The following TMEM132C variants were observed in gnomAD, a reference collection of about 807,000 sequenced individuals.
The protein encoded by TMEM132C is transmembrane protein 132C.
In TMEM132C, 29 loss-of-function variants were observed where a neutral mutation model predicts 61.4. The observed-to-expected ratio is 0.47, with a 90% CI of 0.35 to 0.64. The LOEUF is 0.64. Ranked by LOEUF, TMEM132C falls within the 30% of genes least tolerant of loss-of-function variation. The pLI is 0.00. For synonymous variants in TMEM132C, 656 were observed against 633.1 expected, an observed-to-expected ratio of 1.04 and a Z score of -0.54; for missense variants, 1,408 against 1,476.9, an observed-to-expected ratio of 0.95 and a Z score of 0.76.
At chr12:128,639,537 G>T (rs1411908039) in intron 4 of TMEM132C, among the ~76,000 whole-genome samples, 4 of 152,202 alleles carry the variant, frequency 2.6e-5, no homozygotes, top group Non-Finnish European at 5.9e-5. Flanking sequence ...TGGAGAAAGA[G>T]AATGGCATTT....
intron 3 of TMEM132C, among the ~76,000 whole-genome samples, chr12:128,581,540 G>A (rs1875334140): frequency 6.6e-6 from 1 of 152,108 alleles, no homozygotes; most frequent in Non-Finnish European, 1.5e-5. Flanking sequence ...ACAAATCCTG[G>A]GCTCCTTGAA....
At chr12:128,637,090 C>T (rs990481765) in intron 4 of TMEM132C, among the ~76,000 whole-genome samples, 1 of 152,202 alleles carries the variant, frequency 6.6e-6, no homozygotes, top group Non-Finnish European at 1.5e-5. Flanking sequence ...AACTCTTCTA[C>T]ATACTGATTT....
intron 2 of TMEM132C, among the ~76,000 whole-genome samples, chr12:128,479,155 G>C (rs529777621): frequency 6.6e-6 from 1 of 152,346 alleles, no homozygotes; most frequent in East Asian, 1.9e-4. Context: ...ATAAGTGGGA[G>C]CTAAATGATG....
chr12:128,381,546 G>A lies in TMEM132C; in HGVS notation c.86-33186G>A, dbSNP rs148684580. Among the ~76,000 whole-genome samples, 975 of 152,200 alleles carry A rather than the reference G, an allele frequency of 6.4e-3. 12 individuals are homozygous for A. Among genetic ancestry groups the A allele is most frequent in the African/African-American group, 0.021 (852 of 41,528 alleles). On this transcript the variant is annotated intron_variant, in intron 1 of 8. Coordinates refer to ENST00000435159, the MANE Select transcript of TMEM132C (RefSeq NM_001136103.3). ...GAAAGGGCTTAATAATAATATAACC[G>A]ACCAGCAAACCTATGGACGTGAGAG...
chr12:128,481,182 C>T (rs1871305332), intron 2 of TMEM132C, among the ~76,000 whole-genome samples: 1 of 152,184 alleles, frequency 6.6e-6, no homozygotes, highest in Admixed American at 6.5e-5. Context: ...TTTCCACCAG[C>T]CTAGTAAGGG....
chr12:128,482,063 G>C (rs1343423595), intron 2 of TMEM132C, among the ~76,000 whole-genome samples: 2 of 152,124 alleles, frequency 1.3e-5, no homozygotes, highest in South Asian at 2.1e-4. Context: ...TTTGAGATAC[G>C]TTCCATTAAT....
Position 128,705,495 on chromosome 12 carries a change from AGC to A in TMEM132C, c.2528_2529del (p.Ser843IlefsTer6). ...AGGCCAAGATGGGCACCTCTATGGC[AGC>A]TCTCCCGTGGAGCGTGAGGAAGGGG... ...RTGQDGHLYG[S>X]SPVEREEGAL... On this transcript the variant is annotated frameshift_variant, in exon 9 of 9. Coordinates refer to ENST00000435159, the MANE Select transcript of TMEM132C (RefSeq NM_001136103.3). LOFTEE classifies it low-confidence loss of function (END_TRUNC). The A allele has an allele frequency of 6.4e-7, 1 of 1,551,028 alleles. No individual in the cohort carries two copies. Among genetic ancestry groups the A allele is most frequent in the Non-Finnish European group, 8.7e-7 (1 of 1,146,948 alleles).
chr12:128,585,637 T>C (rs555093026), intron 3 of TMEM132C, among the ~76,000 whole-genome samples: 60 of 152,318 alleles, frequency 3.9e-4, no homozygotes, highest in African/African-American at 1.4e-3. Context: ...GTGTACCCAA[T>C]GATCTGGAAC....
intron 1 of TMEM132C, among the ~76,000 whole-genome samples, chr12:128,300,679 C>T (rs1469044662): frequency 6.6e-6 from 1 of 152,142 alleles, no homozygotes; most frequent in Non-Finnish European, 1.5e-5. Context: ...ATGTGCTTCC[C>T]TAGAAATATG....
At chr12:128,456,306 T>TTTA (rs1870338428) in intron 2 of TMEM132C, among the ~76,000 whole-genome samples, 1 of 151,492 alleles carries the variant, frequency 6.6e-6, no homozygotes, top group Admixed American at 6.6e-5. Flanking sequence ...TTTCCTTATT[T>TTTA]TTATTAACAT....
chr12:128,283,554 C>T (rs1395925267), intron 1 of TMEM132C, among the ~76,000 whole-genome samples: 2 of 152,094 alleles, frequency 1.3e-5, no homozygotes, highest in Admixed American at 6.5e-5. Context: ...CTCCCTCTGT[C>T]TGTCTCTCTC....
intron 1 of TMEM132C, among the ~76,000 whole-genome samples, chr12:128,270,982 C>T (rs544797621): frequency 2.6e-5 from 4 of 152,036 alleles, no homozygotes; most frequent in African/African-American, 4.8e-5. Flanking sequence ...TGGTCAGGCA[C>T]GGTGGCTCAC....
At chr12:128,357,354 A>G (rs972829796) in intron 1 of TMEM132C, among the ~76,000 whole-genome samples, 2 of 152,074 alleles carry the variant, frequency 1.3e-5, no homozygotes, top group African/African-American at 4.8e-5. Context: ...CCATCATCCA[A>G]AATACCCACA....
intron 2 of TMEM132C, among the ~76,000 whole-genome samples, chr12:128,516,338 C>T (rs770467615): frequency 4.6e-5 from 7 of 152,096 alleles, no homozygotes; most frequent in East Asian, 1.9e-4. Context: ...CTCTCACGTG[C>T]GTTAGGCTGG....
intron 1 of TMEM132C, among the ~76,000 whole-genome samples, chr12:128,332,895 G>C (rs1463920571): frequency 6.6e-6 from 1 of 152,216 alleles, no homozygotes; most frequent in Non-Finnish European, 1.5e-5. Flanking sequence ...TGGCCCTGTA[G>C]AGACCTCCAC....
At chr12:128,479,930 G>A (rs114214885) in intron 2 of TMEM132C, among the ~76,000 whole-genome samples, 2,921 of 152,276 alleles carry the variant, frequency 0.019, 97 homozygotes, top group African/African-American at 0.065. Flanking sequence ...CTTCAGTAAT[G>A]AGGAAAATTC....
rs568156740 is a variant in TMEM132C at position 128,596,533 on chromosome 12, C to A, written c.1122-19619C>A. Reference sequence around the variant, plus strand: ...AGGTCCTGGTACAGAGGCGGCAGGGCTTCACTGATCCCTGTTCTGTCCATC... The same window carrying A: ...AGGTCCTGGTACAGAGGCGGCAGGGATTCACTGATCCCTGTTCTGTCCATC... On this transcript the variant is annotated intron_variant, in intron 3 of 8. Transcript: ENST00000435159. Among the ~76,000 whole-genome samples, 309 of 148,012 alleles carry A rather than the reference C, an allele frequency of 2.1e-3. 2 individuals carry two copies. Among genetic ancestry groups the A allele is most frequent in the African/African-American group, 7.1e-3 (281 of 39,542 alleles).
chr12:128,637,405 A>C lies in TMEM132C; in HGVS notation c.1305+21070A>C, dbSNP rs561504739. On this transcript the variant is annotated intron_variant, in intron 4 of 8. Transcript: ENST00000435159. The stretch of plus-strand genomic sequence containing the variant: ...TTCACCCAAAAATCACACAGCTTGT[A>C]AGGAGCTGCCATGGGGCTTGACCTC... Among the ~76,000 whole-genome samples, 51 of 152,314 alleles carry C rather than the reference A, an allele frequency of 3.3e-4. 2 individuals carry two copies. Among genetic ancestry groups the C allele is most frequent in the African/African-American group, 1.2e-3 (51 of 41,564 alleles).
At chr12:128,382,485 A>G (rs886525802) in intron 1 of TMEM132C, among the ~76,000 whole-genome samples, 2 of 152,216 alleles carry the variant, frequency 1.3e-5, no homozygotes, top group African/African-American at 4.8e-5. Flanking sequence ...GTTAATTTTA[A>G]TATCAATAAC....
Sources: gnomAD v4.1 joint callset for allele counts (sites outside exome capture counted in the v4.1 genomes callset) on GRCh38, gnomAD v4.1.1 for gene constraint, MANE v1.5 for transcripts, NCBI Gene and HGNC (gene_info 2026-07-23, HGNC 2026-07-21) for gene names.